AGTR1: variants seen among roughly 807,000 people sequenced by gnomAD.
The protein encoded by AGTR1 is angiotensin II receptor type 1, also known as type-1 angiotensin II receptor.
In AGTR1, 16 loss-of-function variants were observed where a neutral mutation model predicts 19.4. That is an observed-to-expected ratio of 0.82 (90% CI 0.56 to 1.25). The LOEUF (loss-of-function observed/expected upper bound fraction) is 1.25, where lower values mean the gene tolerates loss of function less well. AGTR1 is among the 50% of genes most tolerant of loss of function. The pLI is 0.00. For missense variants in AGTR1, 373 were observed against 431.9 expected, an observed-to-expected ratio of 0.86 and a Z score of 1.21; for synonymous variants, 153 against 154.9, an observed-to-expected ratio of 0.99 and a Z score of 0.09.
intron 2 of AGTR1, among the ~76,000 whole-genome samples, chr3:148,718,881 G>A (rs1479964325): frequency 6.6e-6 from 1 of 152,164 alleles, no homozygotes; most frequent in African/African-American, 2.4e-5. Flanking sequence ...GCATTTTGAA[G>A]AAAATAAATT....
chr3:148,731,124 T>A (rs1407472134), intron 2 of AGTR1: 1 of 152,252 alleles, frequency 6.6e-6, no homozygotes, highest in Non-Finnish European at 1.5e-5. Context: ...CCTTTTTACA[T>A]GTCAAATGTT....
intron 2 of AGTR1, among the ~76,000 whole-genome samples, chr3:148,737,463 C>T (rs1037108356): frequency 2.6e-5 from 4 of 152,038 alleles, no homozygotes; most frequent in African/African-American, 2.4e-5. Flanking sequence ...TTCCACATGC[C>T]TCTGATATGA....
chr3:148,726,419 G>C (rs924691279), intron 2 of AGTR1, among the ~76,000 whole-genome samples: 1 of 152,094 alleles, frequency 6.6e-6, no homozygotes, highest in Admixed American at 6.5e-5. Context: ...ATGCTGGCCA[G>C]GCTGGTCTCG....
At chr3:148,717,057 G>A (rs1207065429) in intron 2 of AGTR1, among the ~76,000 whole-genome samples, 1 of 152,080 alleles carries the variant, frequency 6.6e-6, no homozygotes, top group Non-Finnish European at 1.5e-5. Context: ...CAAAAACTTT[G>A]GGGAAACTGT....
chr3:148,741,976 T>C lies in AGTR1; in HGVS notation c.941T>C (p.Leu314Pro). Residue 314 changes from leucine to proline, a missense_variant, in exon 3 of 3, where the codon CTC becomes CCC. Transcript: ENST00000349243. ...GGGAAAAAATTTAAAAGATATTTTCTCCAGCTTCTAAAATATATTCCCCCA... is the reference window on the plus strand; with the variant it reads ...GGGAAAAAATTTAAAAGATATTTTCCCCAGCTTCTAAAATATATTCCCCCA... ...FLGKKFKRYFLQLLKYIPPKA... is the reference protein window; with the variant it reads ...FLGKKFKRYFPQLLKYIPPKA... The C allele has an allele frequency of 6.2e-7, 1 of 1,613,718 alleles. No homozygotes were observed. Among genetic ancestry groups the C allele is most frequent in the Non-Finnish European group, 8.5e-7 (1 of 1,179,944 alleles).
At chr3:148,740,508 C>T (rs1576541270) in intron 2 of AGTR1, among the ~76,000 whole-genome samples, 3 of 152,148 alleles carry the variant, frequency 2.0e-5, no homozygotes, top group Non-Finnish European at 2.9e-5. Flanking sequence ...AATCTTTATA[C>T]CTAAGTAAAG....
At chr3:148,717,491 T>C (rs1713370568) in intron 2 of AGTR1, among the ~76,000 whole-genome samples, 1 of 152,172 alleles carries the variant, frequency 6.6e-6, no homozygotes, top group Non-Finnish European at 1.5e-5. Flanking sequence ...ATCTTACTGT[T>C]ACTGTTTAAT....
In AGTR1 at chr3:148,741,237, T is replaced by C. The variant is rs988598349; in HGVS notation, c.202T>C (p.Leu68=). Residue 68 remains leucine, a synonymous_variant, in exon 3 of 3, where the codon TTG becomes CTG. Coordinates refer to ENST00000349243, the MANE Select transcript of AGTR1 (RefSeq NM_000685.5). ...KLKTVASVFL[L]NLALADLCFL... ...GAAGACTGTGGCCAGTGTTTTTCTT[T>C]TGAATTTAGCACTGGCTGACTTATG... 9 of 1,614,004 alleles carry C rather than the reference T, an allele frequency of 5.6e-6. No homozygotes were observed. Among genetic ancestry groups the C allele is most frequent in the Non-Finnish European group, 7.6e-6 (9 of 1,180,042 alleles).
chr3:148,701,990 T>A (rs1712375127), intron 1 of AGTR1, among the ~76,000 whole-genome samples: 3 of 151,526 alleles, frequency 2.0e-5, no homozygotes, highest in African/African-American at 7.3e-5. Flanking sequence ...TTTTTTTTTT[T>A]TTTTTGAGAC....
intron 2 of AGTR1, among the ~76,000 whole-genome samples, chr3:148,721,058 G>T (rs1713603712): frequency 6.6e-6 from 1 of 152,150 alleles, no homozygotes; most frequent in African/African-American, 2.4e-5. Flanking sequence ...TCTGGGACGA[G>T]GTGAGTTGTC....
intron 2 of AGTR1, among the ~76,000 whole-genome samples, chr3:148,739,043 G>A (rs1397183929): frequency 1.3e-5 from 2 of 152,208 alleles, no homozygotes; most frequent in African/African-American, 2.4e-5. Flanking sequence ...GGAGAAGACA[G>A]ATATGTCAAC....
rs953469058 is a variant in AGTR1 at position 148,716,607 on chromosome 3, AT to A, written c.-48+8582del. ...CTTAAACAAGAAGTTTTCATTCCTA[AT>A]TAAAAAAAATAAGCTAGTTCATCAC... On this transcript the variant is annotated intron_variant, in intron 2 of 2. Coordinates refer to ENST00000349243, the MANE Select transcript of AGTR1 (RefSeq NM_000685.5). The surrounding 1 kb of genome is among the most constrained non-coding windows in gnomAD (Gnocchi z 4.7). 2.6e-5 allele frequency among the ~76,000 whole-genome samples: 4 copies of A among 152,182 alleles called. No individual in the cohort carries two copies. The highest frequency in any genetic ancestry group is 5.9e-5 in the Non-Finnish European group (4 of 68,036).
intron 2 of AGTR1, among the ~76,000 whole-genome samples, chr3:148,710,816 C>T (rs1712939417): frequency 6.6e-6 from 1 of 152,044 alleles, no homozygotes; most frequent in African/African-American, 2.4e-5. Context: ...GTGTTTGGAT[C>T]CTGCAGGCGG....
At chr3:148,702,028 C>T (rs1250003705) in intron 1 of AGTR1, among the ~76,000 whole-genome samples, 3 of 143,002 alleles carry the variant, frequency 2.1e-5, no homozygotes, top group African/African-American at 5.4e-5. Flanking sequence ...CCCAGGCTGG[C>T]GTGCAGTGGC....
chr3:148,740,972 A>G lies in AGTR1; in HGVS notation c.-47-17A>G. The G allele has an allele frequency of 1.3e-6, 2 of 1,593,770 alleles. No individual in the cohort carries two copies. The highest frequency in any genetic ancestry group is 3.5e-5 in the Admixed American group (2 of 56,968). On this transcript the variant is annotated splice_polypyrimidine_tract_variant and intron_variant, in intron 2 of 2. Transcript: ENST00000349243. ...ATAAGAATTTTTTCTTTACCATTTT[A>G]TTTTTATTTTCCCCAGGTGTATTTG...
chr3:148,698,190 T>A (rs572286069), intron 1 of AGTR1, 63 bp downstream of exon 1: 8 of 152,318 alleles, frequency 5.3e-5, no homozygotes, highest in African/African-American at 1.7e-4. Flanking sequence ...CTAAGTTTCA[T>A]GTCACGGTGT....
At chr3:148,730,321 A>G in intron 2 of AGTR1, 1 of 396,086 alleles carries the variant, frequency 2.5e-6, no homozygotes, top group Non-Finnish European at 4.5e-6. Context: ...CACCTGAGCC[A>G]TTGTGTTTCT....
chr3:148,739,086 C>T (rs372520822), intron 2 of AGTR1, among the ~76,000 whole-genome samples: 1 of 152,168 alleles, frequency 6.6e-6, no homozygotes, highest in Non-Finnish European at 1.5e-5. Flanking sequence ...AGGCCGGGTG[C>T]GGTGGCTCAC....
At chr3:148,739,917 A>G (rs1559933273) in intron 2 of AGTR1, 3 of 1,231,886 alleles carry the variant, frequency 2.4e-6, no homozygotes, top group Admixed American at 4.2e-5. Context: ...CCTGTGCCCA[A>G]TGCTGACCTT....
Sources: gnomAD v4.1 joint callset for allele counts (sites outside exome capture counted in the v4.1 genomes callset) on GRCh38, gnomAD v4.1.1 for gene constraint, Gnocchi (gnomAD v3.1) non-coding constraint, MANE v1.5 for transcripts, NCBI Gene and HGNC (gene_info 2026-07-23, HGNC 2026-07-21) for gene names.